WNT9A: variants seen among roughly 807,000 people sequenced by gnomAD.
WNT9A encodes protein Wnt-9a.
Under a neutral mutation model 31.4 loss-of-function variants are expected in WNT9A, and 8 were observed. The observed-to-expected ratio is 0.26, with a 90% confidence interval of 0.15 to 0.46. The LOEUF (loss-of-function observed/expected upper bound fraction) is 0.46, where lower values mean the gene tolerates loss of function less well. Ranked by LOEUF, WNT9A falls within the 20% of genes least tolerant of loss-of-function variation. The probability of loss-of-function intolerance (pLI) is 0.99; values close to 1 mark genes in which losing one functional copy is unlikely to be tolerated. For missense variants in WNT9A, 457 were observed against 522.9 expected, an observed-to-expected ratio of 0.87 and a Z score of 1.23; for synonymous variants, 236 against 220.1, an observed-to-expected ratio of 1.07 and a Z score of -0.64.
At chr1:227,929,374 A>G (rs1300710132) in intron 1 of WNT9A, among the ~76,000 whole-genome samples, 1 of 152,276 alleles carries the variant, frequency 6.6e-6, no homozygotes, top group Non-Finnish European at 1.5e-5. Flanking sequence ...CACGGCTGGA[A>G]TTCCAGACTG....
chr1:227,922,849 A>G (rs967460491), intron 3 of WNT9A, among the ~76,000 whole-genome samples: 6 of 152,338 alleles, frequency 3.9e-5, no homozygotes, highest in Non-Finnish European at 8.8e-5. Context: ...AGCAGCCCCC[A>G]GGAGGGCCGG....
intron 1 of WNT9A, among the ~76,000 whole-genome samples, chr1:227,944,037 AC>A (rs1666757115): frequency 6.6e-6 from 1 of 152,090 alleles, no homozygotes; most frequent in Non-Finnish European, 1.5e-5. Context: ...ACTTCTATGT[AC>A]CCCAAGAACT....
chr1:227,926,053 C>T lies in WNT9A; in HGVS notation c.96-534G>A, dbSNP rs1446470451. Among the ~76,000 whole-genome samples, 3 of 152,152 alleles carry T rather than the reference C, an allele frequency of 2.0e-5. No individual in the cohort carries two copies. Among genetic ancestry groups the T allele is most frequent in the Non-Finnish European group, 4.4e-5 (3 of 68,016 alleles). ...CCCCTGCAGCTTCCCAGCACTCCTG[C>T]AGTCTACGCATATGTCCCCAGGTTC... On this transcript the variant is annotated intron_variant, in intron 1 of 3. Coordinates refer to ENST00000272164, the MANE Select transcript of WNT9A (RefSeq NM_003395.4). This position sits in a 1 kb window ranked among gnomAD's most constrained non-coding sequence, Gnocchi z 5.0.
rs561169824 is a variant in WNT9A at position 227,925,059 on chromosome 1, G to A, written c.352+204C>T. Among the ~76,000 whole-genome samples, 109 of 152,340 alleles carry A rather than the reference G, an allele frequency of 7.2e-4. No homozygotes were observed. Among genetic ancestry groups the A allele is most frequent in the African/African-American group, 2.5e-3 (104 of 41,582 alleles). ...TGCCCTGGCCACCAGCAACGACTGTGCGTGTGCCTAAAGCAAGGCAGGGCA... is the reference window on the plus strand; with the variant it reads ...TGCCCTGGCCACCAGCAACGACTGTACGTGTGCCTAAAGCAAGGCAGGGCA... On this transcript the variant is annotated intron_variant, in intron 2 of 3. Coordinates refer to ENST00000272164, the MANE Select transcript of WNT9A (RefSeq NM_003395.4). This position sits in a 1 kb window ranked among gnomAD's most constrained non-coding sequence, Gnocchi z 6.0.
Position 227,926,950 on chromosome 1 carries a change from G to A in WNT9A, c.96-1431C>T, listed in dbSNP as rs1018799660. On this transcript the variant is annotated intron_variant, in intron 1 of 3. Coordinates refer to ENST00000272164, the MANE Select transcript of WNT9A (RefSeq NM_003395.4). This position sits in a 1 kb window ranked among gnomAD's most constrained non-coding sequence, Gnocchi z 5.0. ...GCTACTGAGGGGCACCTGCCTCCAG[G>A]GCCACAGGCGCAGGCCACAGAAGGA... 3.9e-5 allele frequency among the ~76,000 whole-genome samples: 6 copies of A among 152,058 alleles called. No individual in the cohort carries two copies. Among genetic ancestry groups the A allele is most frequent in the African/African-American group, 1.4e-4 (6 of 41,400 alleles).
intron 1 of WNT9A, among the ~76,000 whole-genome samples, chr1:227,944,893 C>T (rs1435028929): frequency 1.3e-5 from 2 of 152,242 alleles, no homozygotes; most frequent in African/African-American, 4.8e-5. Context: ...AAGCCTCAGA[C>T]CTCATCCCGA....
chr1:227,940,603 C>T (rs1170152453), intron 1 of WNT9A, among the ~76,000 whole-genome samples: 14 of 152,224 alleles, frequency 9.2e-5, no homozygotes, highest in Non-Finnish European at 1.8e-4. Flanking sequence ...CCGGCCCTGA[C>T]GTTCTCCAGC....
chr1:227,938,721 G>GTT (rs1174776566), intron 1 of WNT9A, among the ~76,000 whole-genome samples: 13 of 152,124 alleles, frequency 8.5e-5, no homozygotes, highest in African/African-American at 3.1e-4. Flanking sequence ...CGCTTTAGTT[G>GTT]TTTCAAGCAG....
In WNT9A at chr1:227,918,971, A is replaced by G. The variant is rs1666260939; in HGVS notation, c.*2547T>C. The G allele has an allele frequency of 6.6e-6, 1 of 152,216 alleles. No individual in the cohort carries two copies. Among genetic ancestry groups the G allele is most frequent in the African/African-American group, 2.4e-5 (1 of 41,470 alleles). 9.4% of individuals were successfully genotyped at this position (152,216 alleles called of 1,614,324 possible). On this transcript the variant is annotated 3_prime_UTR_variant, in exon 4 of 4. Transcript: ENST00000272164. ...CTCCTCTACTGCCCCTCAGAAGAGA[A>G]GCGCATGAAACAGGAGGCTCCGGCT...
At position 227,925,205 on chromosome 1, in the gene WNT9A, A is replaced by G; in HGVS notation, c.352+58T>C. ...AAGAGGGGCCTCTTGGGATATGGACAAGGCCTGGGCTGCCACCTGTCTGGG... is the reference window on the plus strand; with the variant it reads ...AAGAGGGGCCTCTTGGGATATGGACGAGGCCTGGGCTGCCACCTGTCTGGG... On this transcript the variant is annotated intron_variant, in intron 2 of 3. Coordinates refer to ENST00000272164, the MANE Select transcript of WNT9A (RefSeq NM_003395.4). The surrounding 1 kb of genome is among the most constrained non-coding windows in gnomAD (Gnocchi z 6.0). The G allele has an allele frequency of 6.8e-7, 1 of 1,459,922 alleles. No homozygotes were observed. Among genetic ancestry groups the G allele is most frequent in the Non-Finnish European group, 9.1e-7 (1 of 1,104,700 alleles). 90.4% of individuals were successfully genotyped at this position (1,459,922 alleles called of 1,614,324 possible). A position where few individuals can be genotyped will look rare whatever the true frequency, so the allele number is the denominator to read the frequency against.
At chr1:227,947,769 G>T in intron 1 of WNT9A, 24 bp downstream of exon 1, 1 of 1,066,832 alleles carries the variant, frequency 9.4e-7, no homozygotes, top group Non-Finnish European at 1.1e-6. Flanking sequence ...CCACCAGTGC[G>T]CGCCGGCCGC....
intron 1 of WNT9A, among the ~76,000 whole-genome samples, chr1:227,944,509 T>C (rs993280812): frequency 2.0e-5 from 3 of 152,196 alleles, no homozygotes; most frequent in African/African-American, 7.2e-5. Flanking sequence ...GAGTGGATTT[T>C]ACAGGACGTG....
rs1666415090 is a variant in WNT9A at position 227,925,961 on chromosome 1, G to A, written c.96-442C>T. On this transcript the variant is annotated intron_variant, in intron 1 of 3. Transcript: ENST00000272164. This position sits in a 1 kb window ranked among gnomAD's most constrained non-coding sequence, Gnocchi z 6.0. ...CACCCTCTTTGGCCCCAGCTGACCC[G>A]CAGGATCCCGCCTGAGGTCCCCCTA... Among the ~76,000 whole-genome samples, 1 of 152,002 alleles carries A rather than the reference G, an allele frequency of 6.6e-6. No homozygotes were observed. The highest frequency in any genetic ancestry group is 1.5e-5 in the Non-Finnish European group (1 of 67,978).
At position 227,919,468 on chromosome 1, in the gene WNT9A, T is replaced by G. The variant is rs1384436376; in HGVS notation, c.*2050A>C. 4 of 152,192 alleles carry G rather than the reference T, an allele frequency of 2.6e-5. No homozygotes were observed. The allele number at this position is 152,192 out of a possible 1,614,324, so 9.4% of individuals were successfully genotyped here. Reference sequence around the variant, plus strand: ...CCCACAGCAACATAAATAGGTTTTCTTTTAAAAACACAGACACCCCGGCTT... The same window carrying G: ...CCCACAGCAACATAAATAGGTTTTCGTTTAAAAACACAGACACCCCGGCTT... On this transcript the variant is annotated 3_prime_UTR_variant, in exon 4 of 4. Coordinates refer to ENST00000272164, the MANE Select transcript of WNT9A (RefSeq NM_003395.4).
rs1454671750 is a variant in WNT9A, at chr1:227,947,908, G to C, written c.-21C>G. 16 of 1,053,574 alleles carry C rather than the reference G, an allele frequency of 1.5e-5. No homozygotes were observed. The highest frequency in any genetic ancestry group is 1.8e-5 in the Non-Finnish European group (16 of 874,846). The allele number at this position is 1,053,574 out of a possible 1,614,324, so 65.3% of individuals were successfully genotyped here. ...AGCATCTTGCCGCGCCTCGGCGGCC[G>C]ACCATCGCGCTCCCAGCTCCGCGCA... On this transcript the variant is annotated 5_prime_UTR_variant, in exon 1 of 4. Coordinates refer to ENST00000272164, the MANE Select transcript of WNT9A (RefSeq NM_003395.4).
At chr1:227,944,667 G>A (rs112371291) in intron 1 of WNT9A, among the ~76,000 whole-genome samples, 1 of 152,154 alleles carries the variant, frequency 6.6e-6, no homozygotes, top group African/African-American at 2.4e-5. Flanking sequence ...ACAGCCGGGG[G>A]CACCTCAACA....
intron 1 of WNT9A, among the ~76,000 whole-genome samples, chr1:227,943,837 C>G (rs1398148945): frequency 6.6e-6 from 1 of 152,110 alleles, no homozygotes; most frequent in African/African-American, 2.4e-5. Flanking sequence ...AAAAAATTAG[C>G]CAGGATTAGT....
chr1:227,944,227 G>A (rs530422062), intron 1 of WNT9A, among the ~76,000 whole-genome samples: 106 of 152,286 alleles, frequency 7.0e-4, no homozygotes, highest in African/African-American at 2.2e-3. Context: ...ATACTAACGC[G>A]TGCTACAACG....
intron 3 of WNT9A, among the ~76,000 whole-genome samples, chr1:227,923,743 C>A (rs1350023689): frequency 6.6e-6 from 1 of 152,156 alleles, no homozygotes; most frequent in Admixed American, 6.5e-5. Context: ...ATCTTCCTCC[C>A]ACCGGTCTTC....
Sources: allele counts gnomAD v4.1 joint callset (sites outside exome capture counted in the v4.1 genomes callset), GRCh38; gene constraint gnomAD v4.1.1; non-coding constraint Gnocchi (gnomAD v3.1); transcripts MANE v1.5; gene names NCBI Gene and HGNC (gene_info 2026-07-23, HGNC 2026-07-21).